Variants in SH2D4A observed in about 807,000 individuals in gnomAD.
The protein encoded by SH2D4A is SH2 domain-containing protein 4A.
In SH2D4A, 70 loss-of-function variants were observed where a neutral mutation model predicts 64.7. The ratio of observed to expected loss-of-function variants is 1.08; its 90% CI spans 0.89 to 1.32. The LOEUF (loss-of-function observed/expected upper bound fraction) is 1.32, where lower values mean the gene tolerates loss of function less well. Ranked by LOEUF, SH2D4A falls within the 40% of genes most tolerant of loss-of-function variation. The probability of loss-of-function intolerance (pLI) is 0.00; values close to 1 mark genes in which losing one functional copy is unlikely to be tolerated. For missense variants in SH2D4A, 706 were observed against 540.1 expected (o/e 1.31, Z -3.04); for synonymous variants, 268 against 200.7 (o/e 1.34, Z -2.83).
chr8:19,384,201 A>C (rs2053346138), intron 8 of SH2D4A, among the ~76,000 whole-genome samples: 1 of 152,184 alleles, frequency 6.6e-6, no homozygotes. Context: ...CTCAGAAGGC[A>C]ACAGTAATTT....
chr8:19,392,607 G>A (rs1299675860), intron 8 of SH2D4A, among the ~76,000 whole-genome samples: 2 of 152,058 alleles, frequency 1.3e-5, no homozygotes, highest in African/African-American at 4.8e-5. Flanking sequence ...CCTAGGGAGA[G>A]TATCTTTAAA....
rs186408506 is a variant in SH2D4A, at chr8:19,324,860, C to T, written c.181+5132C>T. ...GCTCATTCATAGACTCTCAGGGGTT[C>T]GCAGATCCTAGGGTAAGGTGAAAGT... is the stretch of plus-strand genomic sequence containing the variant. On this transcript the variant is annotated intron_variant, in intron 2 of 9. Coordinates refer to ENST00000265807, the MANE Select transcript of SH2D4A (RefSeq NM_022071.4). Among the ~76,000 whole-genome samples the T allele has an allele frequency of 1.9e-3, 285 of 152,204 alleles. 1 individual carries two copies. The highest frequency in any genetic ancestry group is 3.4e-3 in the Middle Eastern group (1 of 294).
chr8:19,367,050 C>A (rs562906157), intron 7 of SH2D4A, among the ~76,000 whole-genome samples: 35 of 152,278 alleles, frequency 2.3e-4, no homozygotes, highest in Middle Eastern at 3.4e-3. Flanking sequence ...TCTCCAGATT[C>A]TCACCAGCAA....
At chr8:19,364,945 AC>A (rs2052966981) in intron 7 of SH2D4A, among the ~76,000 whole-genome samples, 1 of 151,256 alleles carries the variant, frequency 6.6e-6, no homozygotes, top group Non-Finnish European at 1.5e-5. Flanking sequence ...ATGCTATTAA[AC>A]CCCCATCCCT....
At chr8:19,322,689 A>C (rs2052212525) in intron 2 of SH2D4A, among the ~76,000 whole-genome samples, 1 of 146,180 alleles carries the variant, frequency 6.8e-6, no homozygotes, top group African/African-American at 2.6e-5. Context: ...TGAGATTTCA[A>C]CTCACTGCAA....
At chr8:19,349,913 A>C (rs2052671305) in intron 4 of SH2D4A, among the ~76,000 whole-genome samples, 2 of 152,176 alleles carry the variant, frequency 1.3e-5, no homozygotes, top group African/African-American at 4.8e-5. Context: ...CATGTTGGCC[A>C]GGCTGGTCTC....
At chr8:19,339,718 C>T (rs1563191485) in intron 4 of SH2D4A, among the ~76,000 whole-genome samples, 1 of 152,024 alleles carries the variant, frequency 6.6e-6, no homozygotes, top group Non-Finnish European at 1.5e-5. Context: ...CCAGGCTGGT[C>T]TTAAACTCCT....
At chr8:19,350,381 G>A (rs1348810952) in intron 4 of SH2D4A, among the ~76,000 whole-genome samples, 1 of 152,236 alleles carries the variant, frequency 6.6e-6, no homozygotes, top group Non-Finnish European at 1.5e-5. Flanking sequence ...TGCAATAGGA[G>A]TCAGCTATTG....
chr8:19,393,332 A>AAG lies in SH2D4A; in HGVS notation c.1065_1066dup (p.Lys356ArgfsTer8). On this transcript the variant is annotated frameshift_variant, in exon 9 of 10. Coordinates refer to ENST00000265807, the MANE Select transcript of SH2D4A (RefSeq NM_022071.4). LOFTEE classifies it high-confidence loss of function. ...CTTTGCCACAGGAATTCTCACACTC[A>AAG]AGAAAGCAAATGAACTTCTTCTGAG... The AAG allele has an allele frequency of 6.2e-7, 1 of 1,614,172 alleles. No homozygotes were observed. Among genetic ancestry groups the AAG allele is most frequent in the Non-Finnish European group, 8.5e-7 (1 of 1,180,022 alleles).
At chr8:19,362,314 C>G (rs2052904295) in intron 6 of SH2D4A, among the ~76,000 whole-genome samples, 1 of 152,226 alleles carries the variant, frequency 6.6e-6, no homozygotes, top group African/African-American at 2.4e-5. Context: ...TTGACCAATA[C>G]TGCCTGAAGT....
At chr8:19,387,996 T>G (rs2053419785) in intron 8 of SH2D4A, among the ~76,000 whole-genome samples, 1 of 152,242 alleles carries the variant, frequency 6.6e-6, no homozygotes, top group Non-Finnish European at 1.5e-5. Flanking sequence ...TAAGCTCAGA[T>G]GTTGGAAGAG....
At chr8:19,366,015 C>T (rs184339783) in intron 7 of SH2D4A, among the ~76,000 whole-genome samples, 1 of 151,270 alleles carries the variant, frequency 6.6e-6, no homozygotes, top group East Asian at 1.9e-4. Context: ...TGCATATGTA[C>T]AACTATATAT....
At chr8:19,324,418 A>C (rs962969505) in intron 2 of SH2D4A, among the ~76,000 whole-genome samples, 16 of 152,310 alleles carry the variant, frequency 1.1e-4, no homozygotes, top group African/African-American at 3.9e-4. Context: ...TTGTGAAATA[A>C]TGTTAAGGCC....
At chr8:19,326,691 G>A (rs1217781585) in intron 2 of SH2D4A, among the ~76,000 whole-genome samples, 1 of 151,956 alleles carries the variant, frequency 6.6e-6, no homozygotes, top group Non-Finnish European at 1.5e-5. Context: ...GTGTGTGAGA[G>A]CATGTGTGCC....
intron 2 of SH2D4A, among the ~76,000 whole-genome samples, chr8:19,323,512 T>C (rs2052225566): frequency 6.6e-6 from 1 of 152,038 alleles, no homozygotes; most frequent in Non-Finnish European, 1.5e-5. Flanking sequence ...TCCCAAGTAG[T>C]TGGAGTTACA....
intron 7 of SH2D4A, among the ~76,000 whole-genome samples, chr8:19,370,613 G>A (rs906762483): frequency 6.6e-6 from 1 of 151,898 alleles, no homozygotes; most frequent in Admixed American, 6.6e-5. Flanking sequence ...TTCCCTTCCA[G>A]ACTATGCATG....
rs768394624 is a variant in SH2D4A at position 19,364,094 on chromosome 8, T to C, written c.729T>C (p.Asp243=). 3.7e-6 allele frequency: 6 copies of C among 1,613,938 alleles called. No individual in the cohort carries two copies. Among genetic ancestry groups the C allele is most frequent in the Non-Finnish European group, 4.2e-6 (5 of 1,179,892 alleles). Reference sequence around the variant, plus strand: ...CAGTGCGAAAATCCAAAGCAGCTGATGAGAAGAGACGCTCCTTGGCTAAAC... The same window carrying C: ...CAGTGCGAAAATCCAAAGCAGCTGACGAGAAGAGACGCTCCTTGGCTAAAC... The part of the protein sequence containing the change: ...QASLRKSKAA[D]EKRRSLAKQA... Residue 243 remains aspartate, a synonymous_variant, in exon 7 of 10, where the codon GAT becomes GAC. Transcript: ENST00000265807.
intron 4 of SH2D4A, among the ~76,000 whole-genome samples, chr8:19,344,628 A>G (rs971663924): frequency 6.6e-6 from 1 of 152,142 alleles, no homozygotes; most frequent in Non-Finnish European, 1.5e-5. Context: ...CCTGCATAAC[A>G]TAACAGATTT....
At chr8:19,316,159 G>T (rs1281763784) in intron 1 of SH2D4A, among the ~76,000 whole-genome samples, 1 of 152,020 alleles carries the variant, frequency 6.6e-6, no homozygotes, top group African/African-American at 2.4e-5. Context: ...AGCAGTGGCA[G>T]AATGGCCACA....
Sources: gnomAD v4.1 joint callset for allele counts (sites outside exome capture counted in the v4.1 genomes callset) on GRCh38, gnomAD v4.1.1 for gene constraint, MANE v1.5 for transcripts, NCBI Gene and HGNC (gene_info 2026-07-23, HGNC 2026-07-21) for gene names.